Variants in WDR59 observed in about 807,000 individuals in gnomAD.
The protein encoded by WDR59 is GATOR2 complex protein WDR59.
A neutral mutation model predicts 131.2 loss-of-function variants in WDR59; 100 were observed. The ratio of observed to expected loss-of-function variants is 0.76; its 90% CI spans 0.65 to 0.90. The LOEUF (loss-of-function observed/expected upper bound fraction) is 0.90. WDR59 is among the 40% of genes least tolerant of loss of function. The pLI, the probability that WDR59 is intolerant of heterozygous loss-of-function variation, is 0.00. For missense variants in WDR59, 1,203 were observed against 1,262.2 expected, an observed-to-expected ratio of 0.95 and a Z score of 0.71; for synonymous variants, 601 against 466.2, an observed-to-expected ratio of 1.29 and a Z score of -3.72.
At chr16:74,879,108 T>G (rs921388447) in intron 25 of WDR59, among the ~76,000 whole-genome samples, 1 of 152,198 alleles carries the variant, frequency 6.6e-6, no homozygotes, top group Admixed American at 6.5e-5. Flanking sequence ...ATCCCAGCAC[T>G]TTGTGAGGCC....
At chr16:74,949,330 CAAAAAAAAAAAAAAAAAA>C (rs550013099) in intron 5 of WDR59, among the ~76,000 whole-genome samples, 2 of 42,588 alleles carry the variant, frequency 4.7e-5, no homozygotes, top group Admixed American at 3.0e-4. Context: ...TACCTTGTCT[CAAAAAAAAAAAAAAAAAA>C]AAAAAAGAAA....
intron 8 of WDR59, among the ~76,000 whole-genome samples, chr16:74,930,048 A>T (rs896251709): frequency 7.2e-5 from 11 of 152,218 alleles, no homozygotes; most frequent in Admixed American, 3.9e-4. Context: ...GTAGTGGGGT[A>T]GAGCGGGGGG....
At chr16:74,967,218 G>T (rs895022976) in intron 1 of WDR59, among the ~76,000 whole-genome samples, 1 of 152,154 alleles carries the variant, frequency 6.6e-6, no homozygotes, top group Non-Finnish European at 1.5e-5. Context: ...CTCACCGGAG[G>T]CTGCAAAGTG....
chr16:74,887,725 T>C lies in WDR59; in HGVS notation c.2377A>G (p.Ser793Gly), dbSNP rs1964836393. ...GTGTTGAGCCCTGGGTCTGACATAC[T>C]GGAGCAGGAACCAGAAGAGGTAAAG... is the stretch of plus-strand genomic sequence containing the variant. ...PSFTSSGSCS[S>G]MSDPGLNTGG... Residue 793 changes from serine to glycine, a missense_variant, in exon 23 of 26, where the codon AGT becomes GGT. Transcript: ENST00000262144. The C allele has an allele frequency of 6.2e-7, 1 of 1,613,980 alleles. No individual in the cohort carries two copies. Among genetic ancestry groups the C allele is most frequent in the Admixed American group, 1.7e-5 (1 of 59,996 alleles).
chr16:74,976,500 G>A (rs2034186760), intron 1 of WDR59, among the ~76,000 whole-genome samples: 2 of 150,610 alleles, frequency 1.3e-5, no homozygotes, highest in South Asian at 2.1e-4. Flanking sequence ...TGGAGTCCAA[G>A]GGCGCAATCT....
intron 25 of WDR59, among the ~76,000 whole-genome samples, chr16:74,881,104 A>G (rs1318291212): frequency 6.6e-6 from 1 of 152,184 alleles, no homozygotes; most frequent in East Asian, 1.9e-4. Context: ...AGAAACAAAA[A>G]CAACAAAAAA....
At chr16:74,967,696 T>A (rs974345766) in intron 1 of WDR59, among the ~76,000 whole-genome samples, 7 of 151,798 alleles carry the variant, frequency 4.6e-5, no homozygotes, top group African/African-American at 1.7e-4. Flanking sequence ...TCATCTCTAC[T>A]AAAAATACAA....
At chr16:74,886,001 AC>A in intron 24 of WDR59, 1 of 683,000 alleles carries the variant, frequency 1.5e-6, no homozygotes. Flanking sequence ...ACATGGTGAA[AC>A]CCTGTCTGTA....
In WDR59 at chr16:74,968,246, T is replaced by C. The variant is rs537814807; in HGVS notation, c.55-2424A>G. Among the ~76,000 whole-genome samples, 21 of 152,168 alleles carry C rather than the reference T, an allele frequency of 1.4e-4. No homozygotes were observed. In the East Asian group the frequency reaches 2.5e-3, roughly 18 times the overall value. On this transcript the variant is annotated intron_variant, in intron 1 of 25. Transcript: ENST00000262144. ...GTCTCATCAGTCCTTTAAATCTATG[T>C]CTAGATGTCAGAGACAGGAAGTCAG...
intron 2 of WDR59, chr16:74,959,513 CTT>C (rs1336602252): frequency 2.2e-6 from 1 of 452,686 alleles, no homozygotes; most frequent in Non-Finnish European, 4.4e-6. Context: ...CACTGGAACT[CTT>C]AGTGCTGCAG....
chr16:74,947,169 C>T (rs974093540), intron 6 of WDR59, among the ~76,000 whole-genome samples: 9 of 152,150 alleles, frequency 5.9e-5, no homozygotes, highest in Admixed American at 2.0e-4. Context: ...ACACCATGGG[C>T]CAGTCGCGAT....
intron 21 of WDR59, 67 bp from the exon 22 acceptor site, chr16:74,888,386 T>A (rs911028518): frequency 6.7e-7 from 1 of 1,501,282 alleles, no homozygotes; most frequent in Non-Finnish European, 9.0e-7. Context: ...GCGGTCACAG[T>A]CATGGCGTGT....
In WDR59 at chr16:74,924,007, G is replaced by A. The variant is rs1372989395; in HGVS notation, c.652-4C>T. Reference sequence around the variant, plus strand: ...GAGGCTGGCGGTAATCCCAGAACTAGAAGAGAGCAAGCAAGATCATTTGTG... The same window carrying A: ...GAGGCTGGCGGTAATCCCAGAACTAAAAGAGAGCAAGCAAGATCATTTGTG... On this transcript the variant is annotated splice_region_variant and splice_polypyrimidine_tract_variant and intron_variant, in intron 8 of 25. Transcript: ENST00000262144. 1 of 1,613,142 alleles carries A rather than the reference G, an allele frequency of 6.2e-7. No individual in the cohort carries two copies. The highest frequency in any genetic ancestry group is 8.5e-7 in the Non-Finnish European group (1 of 1,179,772).
chr16:74,949,833 G>GA (rs774241790), intron 4 of WDR59, 35 bp from the exon 5 acceptor site: 14 of 1,607,666 alleles, frequency 8.7e-6, no homozygotes, highest in Non-Finnish European at 1.2e-5. Context: ...CAAAGAAAAG[G>GA]AAAAAAATTC....
chr16:74,920,551 C>T lies in WDR59; in HGVS notation c.886+1396G>A, dbSNP rs115714458. ...AAGTAGCTGGGACTACAGGCATGCA[C>T]TGCCACACCTGGCTCATTTTTGTAT... On this transcript the variant is annotated intron_variant, in intron 10 of 25. Transcript: ENST00000262144. Among the ~76,000 whole-genome samples the T allele has an allele frequency of 1.4e-3, 219 of 152,310 alleles. 1 individual carries two copies. The highest frequency in any genetic ancestry group is 5.0e-3 in the African/African-American group (206 of 41,560).
At chr16:74,975,454 G>T (rs979623261) in intron 1 of WDR59, among the ~76,000 whole-genome samples, 1 of 151,986 alleles carries the variant, frequency 6.6e-6, no homozygotes, top group Non-Finnish European at 1.5e-5. Flanking sequence ...CCTAAGGTCA[G>T]GAGTTTGAGA....
chr16:74,915,366 A>G (rs1028693792), intron 13 of WDR59: 2 of 152,610 alleles, frequency 1.3e-5, no homozygotes, highest in East Asian at 1.9e-4. Flanking sequence ...AGGAGAAAAG[A>G]ATAGGGGTAG....
intron 25 of WDR59, among the ~76,000 whole-genome samples, chr16:74,874,901 TG>T (rs1326122688): frequency 1.3e-5 from 2 of 151,382 alleles, no homozygotes; most frequent in African/African-American, 4.9e-5. Flanking sequence ...TGTTTTTTTT[TG>T]TTTTTTTTAC....
rs1377446761 is a variant in WDR59, at chr16:74,945,452, G to GA, written c.446-2627_446-2626insT. On this transcript the variant is annotated intron_variant, in intron 6 of 25. Transcript: ENST00000262144. The stretch of plus-strand genomic sequence containing the variant: ...AGATCATGCCACTGCACTCCAGCCT[G>GA]GGCAACAGAGCGAGACTCTGTCTCA... Among the ~76,000 whole-genome samples, 82 of 151,972 alleles carry GA rather than the reference G, an allele frequency of 5.4e-4. 1 individual carries two copies. The East Asian group carries it at 0.014, about 26-fold the overall frequency.
Sources: gnomAD v4.1 joint callset for allele counts (sites outside exome capture counted in the v4.1 genomes callset) on GRCh38, gnomAD v4.1.1 for gene constraint, MANE v1.5 for transcripts, NCBI Gene and HGNC (gene_info 2026-07-23, HGNC 2026-07-21) for gene names.